BRD8: variants seen among roughly 807,000 people sequenced by gnomAD.
BRD8 encodes the protein bromodomain-containing protein 8.
A neutral mutation model predicts 143.1 loss-of-function variants in BRD8; 67 were observed. That is an observed-to-expected ratio of 0.47 (90% CI 0.38 to 0.57). BRD8 has a LOEUF of 0.57. Ranked by LOEUF, BRD8 falls within the 20% of genes least tolerant of loss-of-function variation. The pLI, the probability that BRD8 is intolerant of heterozygous loss-of-function variation, is 0.00. For synonymous variants in BRD8, 505 were observed against 517.1 expected, an observed-to-expected ratio of 0.98 and a Z score of 0.32; for missense variants, 1,103 against 1,503.0, an observed-to-expected ratio of 0.73 and a Z score of 4.40.
At chr5:138,156,254 C>T (rs1752594231) in intron 20 of BRD8, among the ~76,000 whole-genome samples, 1 of 152,038 alleles carries the variant, frequency 6.6e-6, no homozygotes, top group Non-Finnish European at 1.5e-5. Context: ...CTTCTTCTGC[C>T]TCAGCCTCTC....
intron 10 of BRD8, 97 bp downstream of exon 10, chr5:138,166,418 AGAG>A (rs1362819145): frequency 1.7e-5 from 12 of 712,950 alleles, no homozygotes; most frequent in African/African-American, 1.4e-4. Flanking sequence ...TATGTAGAAC[AGAG>A]AAGAAGCATC....
At chr5:138,176,869 G>A (rs182435374) in intron 2 of BRD8, among the ~76,000 whole-genome samples, 6 of 151,970 alleles carry the variant, frequency 3.9e-5, no homozygotes, top group African/African-American at 7.2e-5. Flanking sequence ...CGGATCGCTC[G>A]AACGCAGGAG....
At chr5:138,163,107 A>G in intron 15 of BRD8, 23 bp downstream of exon 15, 2 of 1,609,998 alleles carry the variant, frequency 1.2e-6, no homozygotes, top group South Asian at 2.2e-5. Flanking sequence ...CTTGGCCTCA[A>G]AGAAAGAATC....
At position 138,172,055 on chromosome 5, in the gene BRD8, G is replaced by A. The variant is rs768182124; in HGVS notation, c.186+10C>T. 1.9e-6 allele frequency: 3 copies of A among 1,612,424 alleles called. No homozygotes were observed. In the Admixed American group the frequency reaches 5.0e-5, roughly 27 times the overall value. On this transcript the variant is annotated intron_variant, in intron 3 of 26. Coordinates refer to ENST00000254900, the MANE Select transcript of BRD8 (RefSeq NM_139199.2). Reference sequence around the variant, plus strand: ...GACTGCTCTAAAAGAGCCCTTGCTTGGGAACTTACTTTTTGAGAGAACCAG... The same window carrying A: ...GACTGCTCTAAAAGAGCCCTTGCTTAGGAACTTACTTTTTGAGAGAACCAG...
intron 16 of BRD8, 78 bp downstream of exon 16, chr5:138,161,975 GC>G: frequency 2.6e-6 from 4 of 1,560,482 alleles, no homozygotes; most frequent in Non-Finnish European, 3.5e-6. Context: ...TTCCACAGAA[GC>G]CTACTCAGAC....
rs778786451 is a variant in BRD8, at chr5:138,140,815, G to A, written c.3505C>T (p.Leu1169=). 6.2e-7 allele frequency: 1 copy of A among 1,614,038 alleles called. No individual in the cohort carries two copies. The highest frequency in any genetic ancestry group is 8.5e-7 in the Non-Finnish European group (1 of 1,180,036). The change falls in exon 26 of 27, where the codon CTG becomes TTG. Residue 1169 remains leucine (L), a synonymous_variant. Transcript: ENST00000254900. ...TGGAACATCAGCATCAGGTCTCGCA[G>A]GAATTGGGCCATGGTGCGAATCCGA... ...KGRIRTMAQF[L]RDLMLMFQNA...
chr5:138,157,552 G>T, intron 20 of BRD8: 1 of 430,450 alleles, frequency 2.3e-6, no homozygotes, highest in Non-Finnish European at 4.2e-6. Context: ...TCCCACCCAG[G>T]CCCAAATCAT....
chr5:138,168,749 C>G (rs1046916427), intron 8 of BRD8: 10 of 866,372 alleles, frequency 1.2e-5, no homozygotes, highest in Non-Finnish European at 3.8e-6. Context: ...CCCTACTAAT[C>G]TGTATGGGTT....
intron 20 of BRD8, chr5:138,156,931 T>G: frequency 8.2e-7 from 1 of 1,214,490 alleles, no homozygotes; most frequent in Non-Finnish European, 1.0e-6. Flanking sequence ...TCACTGGTGG[T>G]TGTTTTTTTT....
intron 20 of BRD8, among the ~76,000 whole-genome samples, chr5:138,158,482 A>G (rs952522939): frequency 6.6e-6 from 1 of 151,834 alleles, no homozygotes; most frequent in Non-Finnish European, 1.5e-5. Flanking sequence ...CTTGTTGCCC[A>G]GGCTGGAGTG....
At chr5:138,160,806 C>G (rs1269006153) in intron 18 of BRD8, 85 bp downstream of exon 18, 9 of 1,297,750 alleles carry the variant, frequency 6.9e-6, no homozygotes, top group Non-Finnish European at 9.3e-6. Context: ...AAAGCCACAG[C>G]AACCCTTCTT....
rs138420980 is a variant in BRD8, at chr5:138,140,812, G to A, written c.3508C>T (p.Arg1170Ter). ...GRIRTMAQFL[R>*]DLMLMFQNAV... ...TTTTGGAACATCAGCATCAGGTCTC[G>A]CAGGAATTGGGCCATGGTGCGAATC... Residue 1170 changes from arginine to a stop codon, truncating the protein, a stop_gained, in exon 26 of 27, where the codon CGA becomes TGA. Transcript: ENST00000254900. LOFTEE classifies it high-confidence loss of function. 8.1e-5 allele frequency: 130 copies of A among 1,613,974 alleles called. No individual in the cohort carries two copies. The highest frequency in any genetic ancestry group is 1.0e-4 in the Non-Finnish European group (123 of 1,180,016).
intron 23 of BRD8, among the ~76,000 whole-genome samples, chr5:138,147,499 T>G (rs928436528): frequency 3.9e-5 from 6 of 151,990 alleles, no homozygotes; most frequent in Non-Finnish European, 7.4e-5. Context: ...AAAGAACAAT[T>G]TATTTATTAC....
intron 2 of BRD8, among the ~76,000 whole-genome samples, chr5:138,174,761 G>A (rs1390213568): frequency 6.6e-6 from 1 of 152,074 alleles, no homozygotes; most frequent in African/African-American, 2.4e-5. Context: ...ATAACCAGAA[G>A]ATAAACTATG....
chr5:138,153,673 C>CTTTTTTTTTT (rs67848204), intron 20 of BRD8, among the ~76,000 whole-genome samples: 37 of 107,322 alleles, frequency 3.4e-4, no homozygotes, highest in Admixed American at 5.5e-4. Flanking sequence ...CTTTTCTTTT[C>CTTTTTTTTTT]TTTTTTTTTT....
In BRD8 at chr5:138,165,904, T is replaced by A; in HGVS notation, c.1202A>T (p.Asp401Val). 6.2e-7 allele frequency: 1 copy of A among 1,614,168 alleles called. No individual in the cohort carries two copies. Among genetic ancestry groups the A allele is most frequent in the Non-Finnish European group, 8.5e-7 (1 of 1,180,036 alleles). ...KEELDLAEKM[D>V]IAVSYTGEEL... ...TTCACCTGTGTAAGACACAGCAATA[T>A]CCATCTTCTCAGCCAGATCTAATTC... Residue 401 changes from aspartate to valine, a missense_variant, in exon 11 of 27, where the codon GAT becomes GTT. This residue lies in a region of BRD8 where 53 missense variants were observed against 101.4 expected (regional missense o/e 0.52). Coordinates refer to ENST00000254900, the MANE Select transcript of BRD8 (RefSeq NM_139199.2).
chr5:138,166,171 A>G, intron 10 of BRD8, 63 bp from the exon 11 acceptor site: 2 of 1,161,074 alleles, frequency 1.7e-6, no homozygotes, highest in South Asian at 2.7e-5. Flanking sequence ...CCACCTTGAG[A>G]TCACATAAGC....
intron 15 of BRD8, 71 bp downstream of exon 15, chr5:138,163,059 A>C (rs370022445): frequency 2.6e-5 from 30 of 1,159,942 alleles, no homozygotes; most frequent in East Asian, 5.2e-5. Context: ...ACAGGAAGGA[A>C]GGAAGGAAGG....
At position 138,149,625 on chromosome 5, in the gene BRD8, A is replaced by G. The variant is rs1752301307; in HGVS notation, c.3278+15T>C. 1 of 1,565,678 alleles carries G rather than the reference A, an allele frequency of 6.4e-7. No individual in the cohort carries two copies. The highest frequency in any genetic ancestry group is 1.4e-5 in the African/African-American group (1 of 73,214). ...GTACGAATCTTAACAAACTTGGATG[A>G]AAGTCTACGCTTACAGCTTTGAGGA... On this transcript the variant is annotated intron_variant, in intron 23 of 26. Coordinates refer to ENST00000254900, the MANE Select transcript of BRD8 (RefSeq NM_139199.2).
Sources: gnomAD v4.1 joint callset for allele counts (sites outside exome capture counted in the v4.1 genomes callset) on GRCh38, gnomAD v4.1.1 for gene constraint, gnomAD v4.1.1 regional missense constraint, MANE v1.5 for transcripts, NCBI Gene and HGNC (gene_info 2026-07-23, HGNC 2026-07-21) for gene names.